Variants in WDR33 observed in about 807,000 individuals in gnomAD.
WDR33 encodes the protein pre-mRNA 3' end processing protein WDR33.
Under a neutral mutation model 164.9 loss-of-function variants are expected in WDR33, and 47 were observed. The ratio of observed to expected loss-of-function variants is 0.29; its 90% CI spans 0.23 to 0.36. The LOEUF (loss-of-function observed/expected upper bound fraction) is 0.36, where lower values mean the gene tolerates loss of function less well. Among genes scored for constraint, WDR33 ranks in the 10% least tolerant of loss-of-function variants. The probability of loss-of-function intolerance (pLI) is 1.00; values close to 1 mark genes in which losing one functional copy is unlikely to be tolerated. For synonymous variants in WDR33, 505 were observed against 589.0 expected (o/e 0.86, Z 2.06); for missense variants, 1,137 against 1,754.1 (o/e 0.65, Z 6.28).
chr2:127,767,242 G>A (rs182328975), intron 4 of WDR33, among the ~76,000 whole-genome samples: 7 of 151,716 alleles, frequency 4.6e-5, no homozygotes, highest in African/African-American at 1.5e-4. Context: ...GTCTTTTCTC[G>A]GTCTCATTTT....
chr2:127,737,409 T>C, intron 7 of WDR33: 1 of 985,344 alleles, frequency 1.0e-6, no homozygotes, highest in Non-Finnish European at 1.2e-6. Context: ...AGTCACAGGT[T>C]CTCTAGTAAA....
Position 127,764,705 on chromosome 2 carries a change from A to G in WDR33, c.626+123T>C. The stretch of plus-strand genomic sequence containing the variant: ...GAAAACAAAGAAAAATATTGTGTTT[A>G]TAGGGTGCAGAAAGTTTCCCAGAAA... On this transcript the variant is annotated intron_variant, in intron 6 of 21. Coordinates refer to ENST00000322313, the MANE Select transcript of WDR33 (RefSeq NM_018383.5). The surrounding 1 kb of genome is among the most constrained non-coding windows in gnomAD (Gnocchi z 6.2). The G allele has an allele frequency of 6.2e-7, 1 of 1,612,612 alleles. No homozygotes were observed. Among genetic ancestry groups the G allele is most frequent in the Non-Finnish European group, 8.5e-7 (1 of 1,179,166 alleles).
At chr2:127,761,177 T>C (rs140771573) in intron 7 of WDR33, among the ~76,000 whole-genome samples, 4 of 152,308 alleles carry the variant, frequency 2.6e-5, no homozygotes, top group Admixed American at 6.5e-5. Context: ...CAGTCCACTG[T>C]AAAATTAGTT....
At chr2:127,804,979 C>G (rs2104687537) in intron 1 of WDR33, among the ~76,000 whole-genome samples, 1 of 151,300 alleles carries the variant, frequency 6.6e-6, no homozygotes, top group East Asian at 1.9e-4. Flanking sequence ...AAGCTAACAT[C>G]TGGCAGTCCC....
chr2:127,782,919 G>A (rs1200665480), intron 1 of WDR33, among the ~76,000 whole-genome samples: 1 of 152,154 alleles, frequency 6.6e-6, no homozygotes, highest in African/African-American at 2.4e-5. Context: ...TGAGGCGGGA[G>A]AATGGCAGGA....
chr2:127,804,088 G>A (rs898002441), intron 1 of WDR33, among the ~76,000 whole-genome samples: 2 of 152,080 alleles, frequency 1.3e-5, no homozygotes, highest in Admixed American at 6.6e-5. Flanking sequence ...TTGGGAGGCC[G>A]AGGAGGGTGG....
Position 127,714,050 on chromosome 2 carries a change from T to C in WDR33, c.2870-29A>G. The C allele has an allele frequency of 6.7e-7, 1 of 1,496,326 alleles. No individual in the cohort carries two copies. Among genetic ancestry groups the C allele is most frequent in the South Asian group, 1.3e-5 (1 of 74,278 alleles). 92.7% of individuals were successfully genotyped at this position (1,496,326 alleles called of 1,614,324 possible). On this transcript the variant is annotated intron_variant, in intron 17 of 21. Transcript: ENST00000322313. This position sits in a 1 kb window ranked among gnomAD's most constrained non-coding sequence, Gnocchi z 4.3. ...AAGGAAACAAAGCTGACTTTTACCA[T>C]GTCTTCCAGGAAACCTGCCAACATA...
chr2:127,751,431 TA>T (rs1172252462), intron 7 of WDR33, among the ~76,000 whole-genome samples: 4,249 of 133,288 alleles, frequency 0.032, 215 homozygotes, highest in African/African-American at 0.11. Context: ...ATGCTCTATT[TA>T]AAAAAAAAAA....
At position 127,719,748 on chromosome 2, in the gene WDR33, T is replaced by C. The variant is rs1333166881; in HGVS notation, c.2277A>G (p.Gln759=). 5.0e-6 allele frequency: 8 copies of C among 1,613,764 alleles called. No individual in the cohort carries two copies. In the African/African-American group the frequency reaches 1.1e-4, roughly 22 times the overall value. The change falls in exon 16 of 22, where the codon CAA becomes CAG. Residue 759 remains glutamine (Q), a synonymous_variant. Transcript: ENST00000322313. The surrounding 1 kb of genome is among the most constrained non-coding windows in gnomAD (Gnocchi z 6.5). The stretch of plus-strand genomic sequence containing the variant: ...GGATCCCTTGAGACCCTGGTCCGCC[T>C]TGGATCCCATGAGGATGAGGAGGCC... ...MQGPPHPHGI[Q]GGPGSQGIQG... is the part of the protein sequence containing the mutation.
At chr2:127,799,750 C>A (rs1332326235) in intron 1 of WDR33, among the ~76,000 whole-genome samples, 8 of 152,158 alleles carry the variant, frequency 5.3e-5, no homozygotes, top group Admixed American at 5.2e-4. Flanking sequence ...CGATGAGCAC[C>A]AGGAACAGTG....
intron 7 of WDR33, among the ~76,000 whole-genome samples, chr2:127,731,071 A>C (rs1686693615): frequency 6.6e-6 from 1 of 152,084 alleles, no homozygotes; most frequent in Non-Finnish European, 1.5e-5. Context: ...AGGTGGGTGG[A>C]TTGCTTGAAT....
intron 1 of WDR33, among the ~76,000 whole-genome samples, chr2:127,807,589 C>A (rs772980204): frequency 3.9e-5 from 6 of 152,044 alleles, no homozygotes; most frequent in Non-Finnish European, 5.9e-5. Context: ...TCACTGAAGA[C>A]CTCATTAATT....
chr2:127,719,819 C>T lies in WDR33; in HGVS notation c.2206G>A (p.Gly736Ser). 1 of 1,613,600 alleles carries T rather than the reference C, an allele frequency of 6.2e-7. No homozygotes were observed. The highest frequency in any genetic ancestry group is 1.1e-5 in the South Asian group (1 of 91,082). The change falls in exon 16 of 22, where the codon GGT becomes AGT. Residue 736 changes from glycine (G) to serine (S), a missense_variant. Around this residue, in one of 9 missense-constraint regions of WDR33, gnomAD observed 867 missense variants for 1,073.0 expected, o/e 0.81. Coordinates refer to ENST00000322313, the MANE Select transcript of WDR33 (RefSeq NM_018383.5). The surrounding 1 kb of genome is among the most constrained non-coding windows in gnomAD (Gnocchi z 6.5). ...GGTGGTCCCTGCATACCTTGAGTAC[C>T]CGGAGGCCCCTGTGGGCCCAAGTGA... ...QGHLGPQGPPGTQGMQGPPGP... is the reference protein window; with the variant it reads ...QGHLGPQGPPSTQGMQGPPGP...
Position 127,726,889 on chromosome 2 carries a change from A to G in WDR33, c.725-112T>C. 1 of 1,421,998 alleles carries G rather than the reference A, an allele frequency of 7.0e-7. No individual in the cohort carries two copies. The allele number at this position is 1,421,998 out of a possible 1,614,324, so 88.1% of individuals were successfully genotyped here. The stretch of plus-strand genomic sequence containing the variant: ...TTTGCTCTCAGTGCTCAGTCAACTT[A>G]AAACTTGTTTTGTGAAGACTCTTTG... On this transcript the variant is annotated intron_variant, in intron 7 of 21. Coordinates refer to ENST00000322313, the MANE Select transcript of WDR33 (RefSeq NM_018383.5). This position sits in a 1 kb window ranked among gnomAD's most constrained non-coding sequence, Gnocchi z 4.8.
At chr2:127,779,021 G>A (rs1688284373) in intron 1 of WDR33, among the ~76,000 whole-genome samples, 1 of 151,990 alleles carries the variant, frequency 6.6e-6, no homozygotes, top group Non-Finnish European at 1.5e-5. Context: ...GATTCCTGGG[G>A]GTAGAGCGAG....
chr2:127,778,797 G>A (rs1688275483), intron 1 of WDR33, among the ~76,000 whole-genome samples: 3 of 152,034 alleles, frequency 2.0e-5, no homozygotes, highest in Admixed American at 2.0e-4. Flanking sequence ...AGCATACCAA[G>A]GCCAGCATAA....
At position 127,720,033 on chromosome 2, in the gene WDR33, C is replaced by A. The variant is rs771444529; in HGVS notation, c.1992G>T (p.Gly664=). 6 of 1,613,794 alleles carry A rather than the reference C, an allele frequency of 3.7e-6. No homozygotes were observed. The highest frequency in any genetic ancestry group is 1.7e-4 in the Middle Eastern group (1 of 6,050). ...GPQGPQGPPQ[G]LPRPQDMHGP... is the part of the protein sequence containing the mutation. ...CATGCATGTCCTGAGGCCGTGGCAA[C>A]CCCTGGGGCGGGCCCTGGGGCCCCT... is the stretch of plus-strand genomic sequence containing the variant. Residue 664 remains glycine, a synonymous_variant, in exon 16 of 22, where the codon GGG becomes GGT. Coordinates refer to ENST00000322313, the MANE Select transcript of WDR33 (RefSeq NM_018383.5). The surrounding 1 kb of genome is among the most constrained non-coding windows in gnomAD (Gnocchi z 5.9).
intron 7 of WDR33, among the ~76,000 whole-genome samples, chr2:127,746,361 A>AT (rs1300855123): frequency 6.6e-6 from 1 of 152,216 alleles, no homozygotes; most frequent in East Asian, 1.9e-4. Flanking sequence ...AATACCTTTA[A>AT]TACCTCTCTT....
intron 7 of WDR33, among the ~76,000 whole-genome samples, chr2:127,748,239 C>T (rs1386292929): frequency 1.3e-5 from 2 of 152,208 alleles, no homozygotes; most frequent in Non-Finnish European, 2.9e-5. Flanking sequence ...TACATTATAA[C>T]ACCCTGTTAC....
Sources: allele counts gnomAD v4.1 joint callset (sites outside exome capture counted in the v4.1 genomes callset), GRCh38; gene constraint gnomAD v4.1.1; regional missense constraint gnomAD v4.1.1; non-coding constraint Gnocchi (gnomAD v3.1); transcripts MANE v1.5; gene names NCBI Gene and HGNC (gene_info 2026-07-23, HGNC 2026-07-21).